NHLRC3: variants seen among roughly 807,000 people sequenced by gnomAD.
The protein encoded by NHLRC3 is NHL repeat-containing protein 3.
In NHLRC3, 23 loss-of-function variants were observed where a neutral mutation model predicts 32.0. The observed-to-expected ratio is 0.72, with a 90% CI of 0.52 to 1.02. The LOEUF is 1.02. Ranked by LOEUF, NHLRC3 falls within the 50% of genes least tolerant of loss-of-function variation. The pLI is 0.00. For synonymous variants in NHLRC3, 159 were observed against 147.9 expected (o/e 1.08, Z -0.55); for missense variants, 407 against 406.8 (o/e 1.00, Z -0.01).
At chr13:39,044,240 T>G (rs928486712) in intron 5 of NHLRC3, 59 bp downstream of exon 5, 7 of 878,568 alleles carry the variant, frequency 8.0e-6, no homozygotes, top group African/African-American at 3.7e-5. Context: ...TGTGTGTGTG[T>G]GTGTGTGTGT....
Position 39,046,399 on chromosome 13 carries a change from C to T in NHLRC3, c.679-641C>T, listed in dbSNP as rs191382086. Among the ~76,000 whole-genome samples, 432 of 152,338 alleles carry T rather than the reference C, an allele frequency of 2.8e-3. 1 individual carries two copies. The highest frequency in any genetic ancestry group is 4.7e-3 in the Non-Finnish European group (318 of 68,022). On this transcript the variant is annotated intron_variant, in intron 5 of 6. Transcript: ENST00000379600. ...GAAATGTCATTTAGAATGCATCTCA[C>T]TTCTTGTCTTAGAACAAGTTCCTTA...
Position 39,039,623 on chromosome 13 carries a change from C to T in NHLRC3, c.297C>T (p.Ala99=), listed in dbSNP as rs1334498354. The part of the protein sequence containing the change: ...VFTEDGYFLR[A]WNYTVDTPHG... ...CAGAGGATGGATATTTCCTACGAGC[C>T]TGGAATTATACAGTTGACACACCTC... Residue 99 remains alanine (A), a synonymous_variant, in exon 3 of 7, where the codon GCC becomes GCT. Transcript: ENST00000379600. 6.2e-7 allele frequency: 1 copy of T among 1,610,764 alleles called. No homozygotes were observed. The highest frequency in any genetic ancestry group is 1.3e-5 in the African/African-American group (1 of 74,856).
upstream of NHLRC3, chr13:39,038,374 C>A (rs1871277168): frequency 1.9e-6 from 1 of 515,776 alleles, no homozygotes; most frequent in African/African-American, 1.9e-5. Flanking sequence ...AGGGTGGTCA[C>A]TGGGTCAGCC....
At position 39,044,716 on chromosome 13, in the gene NHLRC3, A is replaced by G. The variant is rs541709474; in HGVS notation, c.678+535A>G. On this transcript the variant is annotated intron_variant, in intron 5 of 6. Transcript: ENST00000379600. ...AAGCTTTAGCCAACAAATTTCAATC[A>G]GTTTCTCTCTTTTCTACCCTACTCA... is the stretch of plus-strand genomic sequence containing the variant. 6.6e-5 allele frequency among the ~76,000 whole-genome samples: 10 copies of G among 152,284 alleles called. No individual in the cohort carries two copies. The South Asian group carries it at 1.9e-3, about 28-fold the overall frequency.
At position 39,047,827 on chromosome 13, in the gene NHLRC3, C is replaced by G. The variant is rs756315433; in HGVS notation, c.945C>G (p.Val315=). ...ADQVLPHLLE[V]DRKTGAVYVA... is the part of the protein sequence containing the mutation. ...AAGTTTTGCCACATCTCCTAGAAGT[C>G]GACAGAAAGACTGGAGCAGTCTATG... The change falls in exon 7 of 7, where the codon GTC becomes GTG. Residue 315 remains valine (V), a synonymous_variant. Transcript: ENST00000379600. 6.2e-7 allele frequency: 1 copy of G among 1,613,928 alleles called. No homozygotes were observed. The highest frequency in any genetic ancestry group is 1.3e-5 in the African/African-American group (1 of 74,958).
At chr13:39,040,241 T>G (rs1157660918) in intron 3 of NHLRC3, 1 of 152,136 alleles carries the variant, frequency 6.6e-6, no homozygotes, top group Non-Finnish European at 1.5e-5. Flanking sequence ...AATATGATCT[T>G]TCCTTGAACT....
At position 39,038,580 on chromosome 13, in the gene NHLRC3, G is replaced by A. The variant is rs537058961; in HGVS notation, c.-60G>A. 3 of 1,425,318 alleles carry A rather than the reference G, an allele frequency of 2.1e-6. No homozygotes were observed. Among genetic ancestry groups the A allele is most frequent in the South Asian group, 2.3e-5 (2 of 87,428 alleles). The allele number at this position is 1,425,318 out of a possible 1,614,324, so 88.3% of individuals were successfully genotyped here. A position where few individuals can be genotyped will look rare whatever the true frequency, so the allele number is the denominator to read the frequency against. On this transcript the variant is annotated 5_prime_UTR_variant, in exon 1 of 7. Coordinates refer to ENST00000379600, the MANE Select transcript of NHLRC3 (RefSeq NM_001012754.4). ...CCGCTGCAAACCGTTGCAGCCTGAG[G>A]CTGTCAGGTCCTCCCCCAGACACCT...
At position 39,039,247 on chromosome 13, in the gene NHLRC3, G is replaced by T; in HGVS notation, c.196G>T (p.Val66Phe). Residue 66 changes from valine (V) to phenylalanine (F), a missense_variant, in exon 2 of 7, where the codon GTT becomes TTT. Val to Phe is a conservative substitution (Grantham distance 50). Coordinates refer to ENST00000379600, the MANE Select transcript of NHLRC3 (RefSeq NM_001012754.4). ...ATATTTTACCGGAACAACATTTTGT[G>T]TTGCAGTTGACTCCCTCAATGGATT... ...PEYFTGTTFC[V>F]AVDSLNGLVY... The T allele has an allele frequency of 6.2e-7, 1 of 1,614,032 alleles. No individual in the cohort carries two copies. Among genetic ancestry groups the T allele is most frequent in the African/African-American group, 1.3e-5 (1 of 75,044 alleles).
intron 4 of NHLRC3, among the ~76,000 whole-genome samples, chr13:39,043,382 C>T (rs936701892): frequency 1.3e-5 from 2 of 152,170 alleles, no homozygotes; most frequent in African/African-American, 4.8e-5. Context: ...GTAGACTGTG[C>T]TCACTCTAAA....
At chr13:39,043,097 A>G (rs1273495725) in intron 4 of NHLRC3, among the ~76,000 whole-genome samples, 1 of 152,200 alleles carries the variant, frequency 6.6e-6, no homozygotes, top group Non-Finnish European at 1.5e-5. Flanking sequence ...TTCTTTTAGG[A>G]TCTACTTCAA....
chr13:39,038,376 G>A, upstream of NHLRC3: 2 of 521,680 alleles, frequency 3.8e-6, no homozygotes, highest in South Asian at 2.2e-5. Flanking sequence ...GGTGGTCACT[G>A]GGTCAGCCCG....
chr13:39,046,610 G>GA (rs1442105965), intron 5 of NHLRC3, among the ~76,000 whole-genome samples: 2 of 152,222 alleles, frequency 1.3e-5, no homozygotes, highest in Non-Finnish European at 2.9e-5. Flanking sequence ...GAGCTCTTGA[G>GA]AAGTAAGGCT....
In NHLRC3 at chr13:39,047,970, A is replaced by C; in HGVS notation, c.*44A>C. On this transcript the variant is annotated 3_prime_UTR_variant, in exon 7 of 7. Coordinates refer to ENST00000379600, the MANE Select transcript of NHLRC3 (RefSeq NM_001012754.4). ...ATTTCAAGTGGCAGTTCAGATTCTC[A>C]ATTCACTAAGTGCTTAAAAATGATG... The C allele has an allele frequency of 2.7e-6, 4 of 1,499,826 alleles. No homozygotes were observed. Among genetic ancestry groups the C allele is most frequent in the Non-Finnish European group, 3.7e-6 (4 of 1,091,042 alleles). The allele number at this position is 1,499,826 out of a possible 1,614,324, so 92.9% of individuals were successfully genotyped here.
intron 3 of NHLRC3, chr13:39,041,849 G>A: frequency 2.6e-6 from 1 of 381,410 alleles, no homozygotes; most frequent in Non-Finnish European, 4.7e-6. Flanking sequence ...CCTGTATAAT[G>A]AGTCAATTAT....
At chr13:39,044,291 T>C in intron 5 of NHLRC3, 110 bp downstream of exon 5, 1 of 785,086 alleles carries the variant, frequency 1.3e-6, no homozygotes, top group South Asian at 1.5e-5. Flanking sequence ...ATATAGATTG[T>C]GGTATACATG....
rs749314984 is a variant in NHLRC3, at chr13:39,047,973, T to C, written c.*47T>C. ...TCAAGTGGCAGTTCAGATTCTCAAT[T>C]CACTAAGTGCTTAAAAATGATGTTC... is the stretch of plus-strand genomic sequence containing the variant. On this transcript the variant is annotated 3_prime_UTR_variant, in exon 7 of 7. Coordinates refer to ENST00000379600, the MANE Select transcript of NHLRC3 (RefSeq NM_001012754.4). The C allele has an allele frequency of 6.8e-7, 1 of 1,465,000 alleles. No homozygotes were observed. The highest frequency in any genetic ancestry group is 9.4e-7 in the Non-Finnish European group (1 of 1,061,882). The allele number at this position is 1,465,000 out of a possible 1,614,324, so 90.8% of individuals were successfully genotyped here.
intron 6 of NHLRC3, 120 bp from the exon 7 acceptor site, chr13:39,047,554 G>C: frequency 2.9e-6 from 2 of 687,126 alleles, no homozygotes; most frequent in Non-Finnish European, 4.8e-6. Flanking sequence ...CTTCTTAAAA[G>C]AATCATTCAG....
upstream of NHLRC3, chr13:39,038,348 G>A (rs541661838): frequency 2.5e-4 from 121 of 479,648 alleles, no homozygotes; most frequent in Admixed American, 3.9e-4. Flanking sequence ...GGCGCGGACT[G>A]CCCTGAGGGC....
rs903899381 is a variant in NHLRC3, at chr13:39,044,112, T to C, written c.609T>C (p.His203=). The C allele has an allele frequency of 1.2e-6, 2 of 1,612,818 alleles. No homozygotes were observed. The highest frequency in any genetic ancestry group is 2.7e-5 in the African/African-American group (2 of 75,000). The part of the protein sequence containing the change: ...LSQDFMILWL[H]GENGTGPAKF... ...TAGATTTCATGATCCTTTGGCTGCA[T>C]GGAGAAAATGGGACAGGGCCTGCTA... Residue 203 remains histidine (H), a synonymous_variant, in exon 5 of 7, where the codon CAT becomes CAC. Coordinates refer to ENST00000379600, the MANE Select transcript of NHLRC3 (RefSeq NM_001012754.4).
Sources: gnomAD v4.1 joint callset for allele counts (sites outside exome capture counted in the v4.1 genomes callset) on GRCh38, gnomAD v4.1.1 for gene constraint, MANE v1.5 for transcripts, NCBI Gene and HGNC (gene_info 2026-07-23, HGNC 2026-07-21) for gene names.